Variants in CDC73 observed in about 807,000 individuals in gnomAD.
CDC73 encodes cell division cycle 73, also known as parafibromin.
Under a neutral mutation model 83.7 loss-of-function variants are expected in CDC73, and 21 were observed. The ratio of observed to expected loss-of-function variants is 0.25; its 90% CI spans 0.18 to 0.36. The LOEUF is 0.36. Among genes scored for constraint, CDC73 ranks in the 10% least tolerant of loss-of-function variants. The pLI, the probability that CDC73 is intolerant of heterozygous loss-of-function variation, is 1.00. For missense variants in CDC73, 342 were observed against 653.3 expected, an observed-to-expected ratio of 0.52 and a Z score of 5.19; for synonymous variants, 224 against 212.9, an observed-to-expected ratio of 1.05 and a Z score of -0.45.
chr1:193,141,666 C>T (rs1004852284), intron 6 of CDC73, among the ~76,000 whole-genome samples, 184 bp from the exon 7 acceptor site: 8 of 152,016 alleles, frequency 5.3e-5, no homozygotes, highest in African/African-American at 9.7e-5. Context: ...AGTAATATCT[C>T]GACATGAATT....
chr1:193,244,900 T>C (rs1677927107), intron 15 of CDC73, among the ~76,000 whole-genome samples: 1 of 152,292 alleles, frequency 6.6e-6, no homozygotes, highest in East Asian at 1.9e-4. Context: ...TAAACTCCCT[T>C]AGGGTGGAGA....
At chr1:193,153,798 TG>T (rs1676161064) in intron 10 of CDC73, among the ~76,000 whole-genome samples, 4 of 152,230 alleles carry the variant, frequency 2.6e-5, no homozygotes, top group Admixed American at 2.6e-4. Flanking sequence ...TTCTTGTTGC[TG>T]GTCATACAGC....
At chr1:193,184,802 G>A (rs1411318795) in intron 10 of CDC73, among the ~76,000 whole-genome samples, 1 of 151,904 alleles carries the variant, frequency 6.6e-6, no homozygotes, top group Non-Finnish European at 1.5e-5. Context: ...TGAGAGTGAT[G>A]TTGAGGTGTA....
At chr1:193,163,871 C>A (rs1676386945) in intron 10 of CDC73, among the ~76,000 whole-genome samples, 2 of 152,100 alleles carry the variant, frequency 1.3e-5, no homozygotes, top group Non-Finnish European at 2.9e-5. Context: ...CTCCGCTTCC[C>A]AGGTTCAAGC....
At chr1:193,135,366 T>C in intron 3 of CDC73, 25 bp from the exon 4 acceptor site, 1 of 1,581,554 alleles carries the variant, frequency 6.3e-7, no homozygotes, top group Non-Finnish European at 8.7e-7. Flanking sequence ...TAGTAATCCT[T>C]ACGTGAATCT....
At chr1:193,181,282 T>G in intron 10 of CDC73, 1 of 1,614,132 alleles carries the variant, frequency 6.2e-7, no homozygotes, top group Non-Finnish European at 8.5e-7. Flanking sequence ...AGTTGCTGTT[T>G]GAGGCCTCAG....
chr1:193,135,297 A>G, intron 3 of CDC73, 94 bp from the exon 4 acceptor site: 3 of 987,314 alleles, frequency 3.0e-6, no homozygotes, highest in Non-Finnish European at 4.8e-6. Flanking sequence ...CACCATATAG[A>G]AGTATATAAA....
intron 10 of CDC73, among the ~76,000 whole-genome samples, chr1:193,201,232 A>G (rs1195927321): frequency 6.6e-6 from 1 of 152,152 alleles, no homozygotes; most frequent in Non-Finnish European, 1.5e-5. Context: ...GATTCAACTG[A>G]GGCAAATGAA....
At chr1:193,155,314 C>T (rs1676189549) in intron 10 of CDC73, among the ~76,000 whole-genome samples, 2 of 152,106 alleles carry the variant, frequency 1.3e-5, no homozygotes, top group East Asian at 3.8e-4. Context: ...TTTAAAGTTA[C>T]AAGTTTGTAT....
chr1:193,227,166 C>T (rs2102052861), intron 13 of CDC73, among the ~76,000 whole-genome samples: 1 of 151,356 alleles, frequency 6.6e-6, no homozygotes, highest in East Asian at 1.9e-4. Flanking sequence ...TGTAATAGCT[C>T]CCATTTTGTT....
intron 13 of CDC73, among the ~76,000 whole-genome samples, chr1:193,214,177 T>G (rs1677322956): frequency 6.6e-6 from 1 of 152,210 alleles, no homozygotes; most frequent in Non-Finnish European, 1.5e-5. Context: ...ACCAGTGCAC[T>G]TTATTGGTCG....
intron 10 of CDC73, among the ~76,000 whole-genome samples, chr1:193,193,070 C>G (rs1273332943): frequency 6.6e-6 from 1 of 152,220 alleles, no homozygotes; most frequent in African/African-American, 2.4e-5. Flanking sequence ...TCCCACCACC[C>G]TGACCAAGCC....
At chr1:193,191,339 A>T (rs1269478682) in intron 10 of CDC73, among the ~76,000 whole-genome samples, 1 of 152,190 alleles carries the variant, frequency 6.6e-6, no homozygotes, top group Non-Finnish European at 1.5e-5. Context: ...CTTCTGGTAT[A>T]ATCATGTCTG....
In CDC73 at chr1:193,254,502, C is replaced by T. The variant is rs551461071; in HGVS notation, c.*3790C>T. On this transcript the variant is annotated 3_prime_UTR_variant, in exon 17 of 17. Transcript: ENST00000367435. ...AGTGGGAATTTTGAAATGCCATGTC[C>T]TATATATTCTGGCATATTTGTTGGC... 9.9e-4 allele frequency among the ~76,000 whole-genome samples: 150 copies of T among 152,028 alleles called. No homozygotes were observed. The highest frequency in any genetic ancestry group is 3.4e-3 in the African/African-American group (143 of 41,496).
At chr1:193,181,591 G>A in intron 10 of CDC73, 1 of 1,527,030 alleles carries the variant, frequency 6.5e-7, no homozygotes, top group South Asian at 1.3e-5. Context: ...TGGTATATGA[G>A]AGATTGGTGA....
intron 10 of CDC73, among the ~76,000 whole-genome samples, chr1:193,177,736 T>TA (rs1676634079): frequency 6.6e-6 from 1 of 152,172 alleles, no homozygotes; most frequent in South Asian, 2.1e-4. Flanking sequence ...CTACTGCTGT[T>TA]ACTGGTATTA....
intron 7 of CDC73, among the ~76,000 whole-genome samples, chr1:193,144,920 T>C (rs10754047): frequency 0.67 from 101,575 of 151,698 alleles, 34,443 homozygotes; most frequent in South Asian, 0.78. Flanking sequence ...GTGAGAAAAT[T>C]AGAATTTTGG....
chr1:193,226,214 A>G (rs1677565006), intron 13 of CDC73, among the ~76,000 whole-genome samples: 1 of 152,126 alleles, frequency 6.6e-6, no homozygotes, highest in African/African-American at 2.4e-5. Flanking sequence ...TGTTTTGCCA[A>G]AGATCAGTTG....
intron 13 of CDC73, among the ~76,000 whole-genome samples, chr1:193,217,351 C>T (rs1047630536): frequency 2.0e-5 from 3 of 152,120 alleles, no homozygotes; most frequent in East Asian, 1.9e-4. Context: ...TCTGCTCTAT[C>T]GCAGAGTTTC....
Sources: allele counts gnomAD v4.1 joint callset (sites outside exome capture counted in the v4.1 genomes callset), GRCh38; gene constraint gnomAD v4.1.1; transcripts MANE v1.5; gene names NCBI Gene and HGNC (gene_info 2026-07-23, HGNC 2026-07-21).